Variants in HTT observed in about 807,000 individuals in gnomAD.
The protein encoded by HTT is huntingtin, also known as huntington disease protein.
A neutral mutation model predicts 362.3 loss-of-function variants in HTT; 104 were observed. The ratio of observed to expected loss-of-function variants is 0.29; its 90% CI spans 0.24 to 0.34. HTT has a LOEUF of 0.34. Among genes scored for constraint, HTT ranks in the 10% least tolerant of loss-of-function variants. HTT has a pLI of 1.00. For missense variants in HTT, 3,301 were observed against 3,928.6 expected (o/e 0.84, Z 4.27); for synonymous variants, 1,577 against 1,548.7 (o/e 1.02, Z -0.43).
In HTT at chr4:3,104,101, T is replaced by G. The variant is rs113648038; in HGVS notation, c.528+218T>G. 5.3e-4 allele frequency among the ~76,000 whole-genome samples: 81 copies of G among 152,208 alleles called. 2 individuals carry two copies. The highest frequency in any genetic ancestry group is 3.4e-3 in the Middle Eastern group (1 of 294). On this transcript the variant is annotated intron_variant, in intron 4 of 66. Coordinates refer to ENST00000355072, the MANE Select transcript of HTT (RefSeq NM_001388492.1). Reference sequence around the variant, plus strand: ...AAACAATCCAGTTACATGCTTTACTTATTTTATTTTATTTTTGAGACAGAG... The same window carrying G: ...AAACAATCCAGTTACATGCTTTACTGATTTTATTTTATTTTTGAGACAGAG...
Position 3,184,009 on chromosome 4 carries a change from G to A in HTT, c.4866+1539G>A, listed in dbSNP as rs1219421076. ...AAGATTTTGTTGGGATGCGGGTAAG[G>A]GGACAGACAATAGAAAAGCAAGTGA... On this transcript the variant is annotated intron_variant, in intron 37 of 66. Coordinates refer to ENST00000355072, the MANE Select transcript of HTT (RefSeq NM_001388492.1). Among the ~76,000 whole-genome samples the A allele has an allele frequency of 2.3e-4, 35 of 151,988 alleles. 1 individual carries two copies. Among genetic ancestry groups the A allele is most frequent in the Admixed American group, 2.3e-3 (35 of 15,252 alleles).
intron 33 of HTT, among the ~76,000 whole-genome samples, chr4:3,176,268 C>A (rs1718239436): frequency 6.6e-6 from 1 of 152,260 alleles, no homozygotes; most frequent in East Asian, 1.9e-4. Context: ...ACCTCGTGAT[C>A]TGCCCGCCTC....
intron 2 of HTT, among the ~76,000 whole-genome samples, chr4:3,098,449 G>A (rs138032092): frequency 7.2e-5 from 11 of 152,100 alleles, no homozygotes; most frequent in African/African-American, 1.7e-4. Flanking sequence ...CACATCCCCC[G>A]TATTACTGGG....
At chr4:3,101,417 C>T (rs144035836) in intron 3 of HTT, among the ~76,000 whole-genome samples, 1 of 152,230 alleles carries the variant, frequency 6.6e-6, no homozygotes, top group South Asian at 2.1e-4. Flanking sequence ...ATTCCTGCTT[C>T]CTCAGATGCT....
chr4:3,142,678 C>T (rs1716405923), intron 22 of HTT, 88 bp from the exon 23 acceptor site: 1 of 679,248 alleles, frequency 1.5e-6, no homozygotes. Flanking sequence ...TTTTTTTAAT[C>T]TTTAATCTTA....
In HTT at chr4:3,131,633, G is replaced by T; in HGVS notation, c.2099-5G>T. On this transcript the variant is annotated splice_region_variant and splice_polypyrimidine_tract_variant and intron_variant, in intron 15 of 66. Coordinates refer to ENST00000355072, the MANE Select transcript of HTT (RefSeq NM_001388492.1). ...CTGAAGGTGGCTTGGGTGATTTCTT[G>T]GCAGTGCTGGTTCCGGACAGGGATG... The T allele has an allele frequency of 6.2e-7, 1 of 1,611,466 alleles. No homozygotes were observed. Among genetic ancestry groups the T allele is most frequent in the Non-Finnish European group, 8.5e-7 (1 of 1,178,536 alleles).
intron 54 of HTT, 143 bp downstream of exon 54, chr4:3,222,630 A>G: frequency 1.6e-6 from 1 of 640,396 alleles, no homozygotes; most frequent in Non-Finnish European, 2.7e-6. Context: ...TGGTGTCTTG[A>G]CTGATATTCC....
chr4:3,081,262 G>C (rs112754358), intron 1 of HTT, among the ~76,000 whole-genome samples: 1 of 152,222 alleles, frequency 6.6e-6, no homozygotes, highest in African/African-American at 2.4e-5. Context: ...ATTTCGGGCT[G>C]TGTGGGCACA....
intron 1 of HTT, among the ~76,000 whole-genome samples, chr4:3,082,271 T>C (rs961491608): frequency 2.6e-5 from 4 of 152,248 alleles, no homozygotes; most frequent in Non-Finnish European, 4.4e-5. Context: ...CTGTAGAATG[T>C]GCTGGTGACA....
rs527558340 is a variant in HTT, at chr4:3,197,646, C to T, written c.5369-2086C>T. On this transcript the variant is annotated intron_variant, in intron 40 of 66. Coordinates refer to ENST00000355072, the MANE Select transcript of HTT (RefSeq NM_001388492.1). ...CTGTTTGCTCCTTATTACAGCCCTG[C>T]GAACAGATACTGCTCTTAATTCCAT... Among the ~76,000 whole-genome samples, 26 of 152,220 alleles carry T rather than the reference C, an allele frequency of 1.7e-4. 1 individual carries two copies. Among genetic ancestry groups the T allele is most frequent in the Middle Eastern group, 6.8e-3 (2 of 294 alleles).
intron 31 of HTT, 106 bp from the exon 32 acceptor site, chr4:3,174,615 G>A: frequency 2.4e-6 from 2 of 833,984 alleles, no homozygotes; most frequent in South Asian, 3.0e-5. Context: ...GACACGTTCT[G>A]ATCGTGTGAA....
chr4:3,099,322 T>C lies in HTT; in HGVS notation c.396T>C (p.Phe132=). The C allele has an allele frequency of 6.2e-7, 1 of 1,614,108 alleles. No homozygotes were observed. Among genetic ancestry groups the C allele is most frequent in the Non-Finnish European group, 8.5e-7 (1 of 1,179,940 alleles). Residue 132 remains phenylalanine, a synonymous_variant, in exon 3 of 67, where the codon TTT becomes TTC. Transcript: ENST00000355072. ...TTCTGGGCATCGCTATGGAACTTTT[T>C]CTGCTGTGCAGTGATGACGCAGAGT... The part of the protein sequence containing the change: ...QKLLGIAMEL[F]LLCSDDAESD...
intron 22 of HTT, among the ~76,000 whole-genome samples, chr4:3,141,975 T>C (rs750428364): frequency 6.6e-6 from 1 of 152,204 alleles, no homozygotes; most frequent in Non-Finnish European, 1.5e-5. Flanking sequence ...AATTGTTGCT[T>C]CTTAATGTCA....
chr4:3,177,893 G>A (rs1718309127), intron 34 of HTT, among the ~76,000 whole-genome samples: 1 of 152,214 alleles, frequency 6.6e-6, no homozygotes, highest in Non-Finnish European at 1.5e-5. Context: ...ATTTAGTGCA[G>A]AAGGAAAGTG....
At chr4:3,078,367 A>G (rs1225766010) in intron 1 of HTT, among the ~76,000 whole-genome samples, 2 of 152,254 alleles carry the variant, frequency 1.3e-5, no homozygotes, top group African/African-American at 4.8e-5. Flanking sequence ...AGCAAGATAG[A>G]TAAGTAAAAT....
chr4:3,236,363 G>C (rs1721530829), intron 64 of HTT, 109 bp downstream of exon 64: 2 of 792,010 alleles, frequency 2.5e-6, no homozygotes, highest in Admixed American at 1.9e-5. Context: ...CTGGAGTCCT[G>C]CCAGTGATTC....
intron 3 of HTT, 118 bp from the exon 4 acceptor site, chr4:3,103,706 A>G: frequency 1.5e-6 from 1 of 672,704 alleles, no homozygotes; most frequent in Non-Finnish European, 2.7e-6. Context: ...ATATATTCTT[A>G]ATTTAGTTGC....
chr4:3,075,610 A>T (rs917259077), intron 1 of HTT, among the ~76,000 whole-genome samples: 2 of 122,808 alleles, frequency 1.6e-5, no homozygotes, highest in South Asian at 5.8e-4. Flanking sequence ...AGTGGATGAC[A>T]TAATGCTTTT....
intron 6 of HTT, among the ~76,000 whole-genome samples, chr4:3,110,517 T>C (rs143287374): frequency 6.6e-6 from 1 of 152,330 alleles, no homozygotes; most frequent in Non-Finnish European, 1.5e-5. Flanking sequence ...GCCCAGTTCC[T>C]AGATGCCATA....
Sources: gnomAD v4.1 joint callset for allele counts (sites outside exome capture counted in the v4.1 genomes callset) on GRCh38, gnomAD v4.1.1 for gene constraint, MANE v1.5 for transcripts, NCBI Gene and HGNC (gene_info 2026-07-23, HGNC 2026-07-21) for gene names.